Variants in HDAC7 observed in about 807,000 individuals in gnomAD.
HDAC7 encodes histone deacetylase 7.
Under a neutral mutation model 115.5 loss-of-function variants are expected in HDAC7, and 26 were observed. The observed-to-expected ratio is 0.23, with a 90% CI of 0.16 to 0.31. The LOEUF is 0.31. Ranked by LOEUF, HDAC7 falls within the 10% of genes least tolerant of loss-of-function variation. The pLI is 1.00. For synonymous variants in HDAC7, 564 were observed against 550.9 expected (o/e 1.02, Z -0.33); for missense variants, 1,068 against 1,329.0 (o/e 0.80, Z 3.05).
chr12:47,796,743 GAGC>G (rs1943872115), intron 7 of HDAC7, among the ~76,000 whole-genome samples: 1 of 152,174 alleles, frequency 6.6e-6, no homozygotes, highest in Admixed American at 6.5e-5. Context: ...CTTCCCATCA[GAGC>G]AGGAAGAAGA....
intron 19 of HDAC7, chr12:47,788,375 T>C (rs1266066933): frequency 4.6e-6 from 2 of 434,406 alleles, no homozygotes; most frequent in African/African-American, 2.0e-5. Flanking sequence ...CAGGGCTGGC[T>C]GTAATATGAG....
chr12:47,794,609 G>A (rs1051078618), intron 12 of HDAC7, 151 bp downstream of exon 12: 41 of 688,926 alleles, frequency 6.0e-5, no homozygotes, highest in Non-Finnish European at 9.1e-5. Flanking sequence ...ACACCTTAGT[G>A]TGGATCCAGC....
At chr12:47,784,877 A>C (rs947225988) in intron 24 of HDAC7, 2 of 1,045,648 alleles carry the variant, frequency 1.9e-6, no homozygotes, top group Admixed American at 4.3e-5. Flanking sequence ...TTGATATGGG[A>C]ATCTATTTTA....
chr12:47,816,304 C>G (rs1390802277), intron 1 of HDAC7, among the ~76,000 whole-genome samples: 1 of 152,064 alleles, frequency 6.6e-6, no homozygotes, highest in Non-Finnish European at 1.5e-5. Context: ...ATCTGGACTT[C>G]TATTAAAAAG....
chr12:47,792,047 C>A, intron 13 of HDAC7, 43 bp from the exon 14 acceptor site: 1 of 1,555,400 alleles, frequency 6.4e-7, no homozygotes, highest in Non-Finnish European at 8.7e-7. Context: ...GGAGTCCTCA[C>A]GCCCCATGGC....
intron 1 of HDAC7, among the ~76,000 whole-genome samples, chr12:47,818,496 AG>A (rs765671269): frequency 1.3e-5 from 2 of 152,144 alleles, no homozygotes; most frequent in South Asian, 4.1e-4. Flanking sequence ...GAGTCCTGGG[AG>A]GGGGAAAGGG....
Position 47,791,886 on chromosome 12 carries a change from G to A in HDAC7, c.1797C>T (p.Leu599=), listed in dbSNP as rs760646335. The A allele has an allele frequency of 2.5e-6, 4 of 1,577,242 alleles. No individual in the cohort carries two copies. Among genetic ancestry groups the A allele is most frequent in the Non-Finnish European group, 1.7e-6 (2 of 1,158,586 alleles). ...SIWSRLQERG[L]RSQCECLRGR... is the part of the protein sequence containing the mutation. ...GCCTCCTCACCTCACACTGGCTCCG[G>A]AGCCCCCGCTCCTGCAGCCGGGACC... The change falls in exon 14 of 26, where the codon CTC becomes CTT. Residue 599 remains leucine, a synonymous_variant. Coordinates refer to ENST00000080059, the MANE Select transcript of HDAC7 (RefSeq NM_015401.5).
intron 18 of HDAC7, 87 bp from the exon 19 acceptor site, chr12:47,789,435 C>A: frequency 6.3e-7 from 1 of 1,580,946 alleles, no homozygotes; most frequent in Non-Finnish European, 8.7e-7. Flanking sequence ...CCTGAGAAAG[C>A]TCAGGGAAGA....
chr12:47,817,911 A>C (rs917378867), intron 1 of HDAC7: 1 of 152,276 alleles, frequency 6.6e-6, no homozygotes, highest in African/African-American at 2.4e-5. Context: ...GAATTGAGAA[A>C]GTTCCAGCTT....
rs561182284 is a variant in HDAC7 at position 47,795,020 on chromosome 12, A to G, written c.1285-87T>C. ...GGTGGGCTGGGCCAGGCAGCCAGTC[A>G]TCTTGCTAGGACTCCAGCTGCCATG... On this transcript the variant is annotated intron_variant, in intron 11 of 25. Transcript: ENST00000080059. The surrounding 1 kb of genome is among the most constrained non-coding windows in gnomAD (Gnocchi z 4.3). The G allele has an allele frequency of 2.8e-4, 396 of 1,429,638 alleles. 2 individuals are homozygous for G. The South Asian group carries it at 3.5e-3, about 12-fold the overall frequency. 88.6% of individuals were successfully genotyped at this position (1,429,638 alleles called of 1,614,324 possible). A position where few individuals can be genotyped will look rare whatever the true frequency, so the allele number is the denominator to read the frequency against.
chr12:47,810,518 AC>A (rs1407052638), intron 1 of HDAC7, among the ~76,000 whole-genome samples: 5 of 152,090 alleles, frequency 3.3e-5, no homozygotes, highest in African/African-American at 1.2e-4. Flanking sequence ...GCTGTGTTCC[AC>A]CCCTGCCATC....
chr12:47,814,617 G>T (rs946576259), intron 1 of HDAC7, among the ~76,000 whole-genome samples: 1 of 152,338 alleles, frequency 6.6e-6, no homozygotes, highest in South Asian at 2.1e-4. Flanking sequence ...TCCCCCTTCT[G>T]CTCTCCCCTC....
Position 47,787,560 on chromosome 12 carries a change from CTGTT to C in HDAC7, c.2453+148_2453+151del, listed in dbSNP as rs1014871798. On this transcript the variant is annotated intron_variant, in intron 21 of 25. Coordinates refer to ENST00000080059, the MANE Select transcript of HDAC7 (RefSeq NM_015401.5). ...CCCTTTGACTTTTGCATTCTTCTCTCTGTTTGTCCTATTCTCACTGGCGTTCACC... is the reference window on the plus strand; with the variant it reads ...CCCTTTGACTTTTGCATTCTTCTCTCTGTCCTATTCTCACTGGCGTTCACC... 1.5e-4 allele frequency: 90 copies of C among 608,456 alleles called. 1 individual carries two copies. Among genetic ancestry groups the C allele is most frequent in the Middle Eastern group, 4.4e-4 (1 of 2,266 alleles). The allele number at this position is 608,456 out of a possible 1,614,324, so 37.7% of individuals were successfully genotyped here. A position where few individuals can be genotyped will look rare whatever the true frequency, so the allele number is the denominator to read the frequency against.
Position 47,800,751 on chromosome 12 carries a change from G to A in HDAC7, c.70+1473C>T, listed in dbSNP as rs560562567. On this transcript the variant is annotated intron_variant, in intron 2 of 25. Coordinates refer to ENST00000080059, the MANE Select transcript of HDAC7 (RefSeq NM_015401.5). ...CAGCGACCTGGACCCAAGACCAGTGGCTTCAGCCACATACGGACTGTGAGC... is the reference window on the plus strand; with the variant it reads ...CAGCGACCTGGACCCAAGACCAGTGACTTCAGCCACATACGGACTGTGAGC... 3.3e-5 allele frequency among the ~76,000 whole-genome samples: 5 copies of A among 152,348 alleles called. No homozygotes were observed. The South Asian group carries it at 1.0e-3, about 32-fold the overall frequency.
chr12:47,808,341 C>A (rs554902266), intron 1 of HDAC7, among the ~76,000 whole-genome samples: 15 of 152,300 alleles, frequency 9.8e-5, no homozygotes, highest in Non-Finnish European at 1.8e-4. Context: ...ACCTCCACTT[C>A]TGCTGTTTGA....
rs901909706 is a variant in HDAC7 at position 47,798,448 on chromosome 12, C to T, written c.349+114G>A. The T allele has an allele frequency of 9.3e-6, 9 of 964,658 alleles. No individual in the cohort carries two copies. The highest frequency in any genetic ancestry group is 3.1e-4 in the Middle Eastern group (1 of 3,184). The allele number at this position is 964,658 out of a possible 1,614,324, so 59.8% of individuals were successfully genotyped here. A position where few individuals can be genotyped will look rare whatever the true frequency, so the allele number is the denominator to read the frequency against. On this transcript the variant is annotated intron_variant, in intron 4 of 25. Coordinates refer to ENST00000080059, the MANE Select transcript of HDAC7 (RefSeq NM_015401.5). This position sits in a 1 kb window ranked among gnomAD's most constrained non-coding sequence, Gnocchi z 4.3. The stretch of plus-strand genomic sequence containing the variant: ...GCCCAGGCAAGCAGAGGGAAAGCCT[C>T]GGCTCAGGCCCAGCTGGCTGCGGCC...
At chr12:47,807,734 G>A (rs1194666856) in intron 1 of HDAC7, among the ~76,000 whole-genome samples, 1 of 152,116 alleles carries the variant, frequency 6.6e-6, no homozygotes, top group Non-Finnish European at 1.5e-5. Context: ...ATCTTTGGGT[G>A]CCCATGAAGA....
intron 12 of HDAC7, 64 bp downstream of exon 12, chr12:47,794,696 T>A (rs1943709353): frequency 6.9e-7 from 1 of 1,458,364 alleles, no homozygotes; most frequent in Non-Finnish European, 9.1e-7. Context: ...CCCTTCCCCA[T>A]CTTATGCCAG....
At chr12:47,802,489 T>C (rs1944218288) in intron 1 of HDAC7, 1 of 1,551,004 alleles carries the variant, frequency 6.4e-7, no homozygotes, top group Non-Finnish European at 8.7e-7. Flanking sequence ...CAGCTCCCTC[T>C]TCCTCAAGTC....
Sources: gnomAD v4.1 joint callset for allele counts (sites outside exome capture counted in the v4.1 genomes callset) on GRCh38, gnomAD v4.1.1 for gene constraint, Gnocchi (gnomAD v3.1) non-coding constraint, MANE v1.5 for transcripts, NCBI Gene and HGNC (gene_info 2026-07-23, HGNC 2026-07-21) for gene names.